Variants in GCNT2 observed in about 807,000 individuals in gnomAD.
GCNT2 encodes N-acetyllactosaminide beta-1,6-N-acetylglucosaminyl-transferase.
Under a neutral mutation model 34.2 loss-of-function variants are expected in GCNT2, and 34 were observed. That is an observed-to-expected ratio of 1.00 (90% CI 0.76 to 1.32). GCNT2 has a LOEUF of 1.32. GCNT2 is among the 40% of genes most tolerant of loss of function. GCNT2 has a pLI of 0.00. For missense variants in GCNT2, 584 were observed against 489.4 expected (o/e 1.19, Z -1.82); for synonymous variants, 212 against 188.0 (o/e 1.13, Z -1.04).
chr6:10,619,367 G>A (rs953461896), intron 3 of GCNT2: 1 of 151,948 alleles, frequency 6.6e-6, no homozygotes, highest in Non-Finnish European at 1.5e-5. Context: ...AAAAAATTGT[G>A]GAGATGGTGT....
At chr6:10,558,221 C>G (rs936872498) in intron 3 of GCNT2, among the ~76,000 whole-genome samples, 3 of 152,190 alleles carry the variant, frequency 2.0e-5, no homozygotes, top group Non-Finnish European at 4.4e-5. Flanking sequence ...TATTTTCTAT[C>G]TCATTAACTG....
chr6:10,543,910 A>G (rs66795162), intron 3 of GCNT2, among the ~76,000 whole-genome samples: 2,448 of 152,292 alleles, frequency 0.016, 29 homozygotes, highest in African/African-American at 0.024. Context: ...CGATTAGGAG[A>G]TGAAATTGTC....
chr6:10,585,866 C>T (rs1764319319), intron 3 of GCNT2: 9 of 1,531,800 alleles, frequency 5.9e-6, no homozygotes, highest in African/African-American at 2.8e-5. Flanking sequence ...TTCAGGAAAG[C>T]AAGCAGCCCT....
chr6:10,546,169 C>T lies in GCNT2; in HGVS notation c.925+16333C>T, dbSNP rs1238789802. Among the ~76,000 whole-genome samples the T allele has an allele frequency of 2.6e-5, 4 of 152,066 alleles. No individual in the cohort carries two copies. In the East Asian group the frequency reaches 5.8e-4, roughly 22 times the overall value. The stretch of plus-strand genomic sequence containing the variant: ...TACACGTTGATCTCAGCAGCATATA[C>T]GGCAGGCAAAACCCAGGACAGTTGA... On this transcript the variant is annotated intron_variant, in intron 3 of 4. Transcript: ENST00000495262.
intron 3 of GCNT2, among the ~76,000 whole-genome samples, chr6:10,532,507 G>GC: frequency 6.6e-6 from 1 of 152,244 alleles, no homozygotes; most frequent in Non-Finnish European, 1.5e-5. Flanking sequence ...ACGGCTCACG[G>GC]CCTCAACCTC....
Position 10,616,335 on chromosome 6 carries a change from A to T in GCNT2, c.926-5016A>T, listed in dbSNP as rs1472324457. On this transcript the variant is annotated intron_variant, in intron 3 of 4. Transcript: ENST00000495262. ...GACCCAAACAGTAAGCAGTACAAAG[A>T]TTTATTGCAAAGGACAAAAGAACAG... is the stretch of plus-strand genomic sequence containing the variant. 5.3e-5 allele frequency among the ~76,000 whole-genome samples: 8 copies of T among 151,310 alleles called. No homozygotes were observed. The East Asian group carries it at 1.5e-3, about 29-fold the overall frequency.
intron 1 of GCNT2, among the ~76,000 whole-genome samples, chr6:10,522,120 C>G (rs1760943537): frequency 6.6e-6 from 1 of 152,014 alleles, no homozygotes; most frequent in Non-Finnish European, 1.5e-5. Flanking sequence ...ACTCCTGACT[C>G]CATGTGATCC....
chr6:10,603,365 T>A (rs1765159535), intron 3 of GCNT2, among the ~76,000 whole-genome samples: 1 of 152,116 alleles, frequency 6.6e-6, no homozygotes, highest in African/African-American at 2.4e-5. Context: ...AAATGGTATT[T>A]TCTTCCCTTT....
chr6:10,625,407 A>C (rs1294819279), intron 4 of GCNT2, among the ~76,000 whole-genome samples: 1 of 152,180 alleles, frequency 6.6e-6, no homozygotes, highest in African/African-American at 2.4e-5. Flanking sequence ...CTGTGTGCCC[A>C]GAAGAATCTC....
intron 3 of GCNT2, among the ~76,000 whole-genome samples, chr6:10,564,862 G>T (rs1763207195): frequency 6.6e-6 from 1 of 152,238 alleles, no homozygotes; most frequent in East Asian, 1.9e-4. Flanking sequence ...GACACATAAG[G>T]CCCCTACCTC....
At chr6:10,542,381 CAT>C (rs369787915) in intron 3 of GCNT2, among the ~76,000 whole-genome samples, 48 of 151,508 alleles carry the variant, frequency 3.2e-4, no homozygotes, top group African/African-American at 9.3e-4. Flanking sequence ...AAATTTATGA[CAT>C]ATAATTTACA....
chr6:10,534,331 G>A (rs1409029885), intron 3 of GCNT2, among the ~76,000 whole-genome samples: 1 of 151,652 alleles, frequency 6.6e-6, no homozygotes, highest in African/African-American at 2.4e-5. Context: ...TAGTAGAGAC[G>A]GGGTTTCACC....
intron 3 of GCNT2, among the ~76,000 whole-genome samples, chr6:10,606,192 G>A (rs1287315254): frequency 1.3e-5 from 2 of 152,216 alleles, no homozygotes; most frequent in Admixed American, 1.3e-4. Context: ...GTGCATGCCT[G>A]TAATCCCGAC....
Position 10,626,517 on chromosome 6 carries a change from C to T in GCNT2, c.1119C>T (p.Tyr373=), listed in dbSNP as rs1025214253. ...CTAACAAGTTTGAGCTTAATACCTA[C>T]CCCCTTACTGTGGAATGCCTAGAAC... The part of the protein sequence containing the change: ...LFANKFELNT[Y]PLTVECLELR... The change falls in exon 5 of 5, where the codon TAC becomes TAT. Residue 373 remains tyrosine, a synonymous_variant. Coordinates refer to ENST00000495262, the MANE Select transcript of GCNT2 (RefSeq NM_145649.5). 6.2e-7 allele frequency: 1 copy of T among 1,612,938 alleles called. No homozygotes were observed. The highest frequency in any genetic ancestry group is 8.5e-7 in the Non-Finnish European group (1 of 1,178,992).
At chr6:10,536,439 TCTC>T (rs1223917369) in intron 3 of GCNT2, among the ~76,000 whole-genome samples, 1 of 151,846 alleles carries the variant, frequency 6.6e-6, no homozygotes, top group South Asian at 2.1e-4. Flanking sequence ...CACTGCAAGT[TCTC>T]CTCCCGGGTT....
intron 3 of GCNT2, among the ~76,000 whole-genome samples, chr6:10,536,221 C>T (rs538488666): frequency 9.9e-5 from 15 of 152,234 alleles, no homozygotes; most frequent in African/African-American, 3.1e-4. Context: ...CCAAACCAAT[C>T]GAGCACACAG....
At chr6:10,587,760 T>C (rs922419820) in intron 3 of GCNT2, among the ~76,000 whole-genome samples, 5 of 152,178 alleles carry the variant, frequency 3.3e-5, no homozygotes, top group Non-Finnish European at 5.9e-5. Flanking sequence ...CTGTTTCCCA[T>C]AGGTGGTCTG....
chr6:10,620,149 T>A (rs984745479), intron 3 of GCNT2, among the ~76,000 whole-genome samples: 8 of 152,226 alleles, frequency 5.3e-5, no homozygotes, highest in Non-Finnish European at 4.4e-5. Context: ...TCTTTGTCTG[T>A]TCTGCATGTG....
intron 3 of GCNT2, among the ~76,000 whole-genome samples, chr6:10,536,512 G>GCACA (rs1761761003): frequency 6.6e-6 from 1 of 151,474 alleles, no homozygotes; most frequent in Admixed American, 6.6e-5. Context: ...CCACCACTGT[G>GCACA]CCCGGCTAAT....
Sources: gnomAD v4.1 joint callset for allele counts (sites outside exome capture counted in the v4.1 genomes callset) on GRCh38, gnomAD v4.1.1 for gene constraint, MANE v1.5 for transcripts, NCBI Gene and HGNC (gene_info 2026-07-23, HGNC 2026-07-21) for gene names.